The following MAGI2 variants were observed in gnomAD, a reference collection of about 807,000 sequenced individuals.
The protein encoded by MAGI2 is membrane-associated guanylate kinase, WW and PDZ domain-containing protein 2.
MAGI2 carries 35 observed loss-of-function variants against 133.3 expected under a neutral mutation model. The ratio of observed to expected loss-of-function variants is 0.26; its 90% CI spans 0.20 to 0.35. The LOEUF (loss-of-function observed/expected upper bound fraction) is 0.35. Ranked by LOEUF, MAGI2 falls within the 10% of genes least tolerant of loss-of-function variation. The probability of loss-of-function intolerance (pLI) is 1.00; values close to 1 mark genes in which losing one functional copy is unlikely to be tolerated. For missense variants in MAGI2, 1,636 were observed against 1,863.4 expected (o/e 0.88, Z 2.25); for synonymous variants, 729 against 710.6 (o/e 1.03, Z -0.41).
At chr7:78,465,225 A>G (rs1277815896) in intron 6 of MAGI2, among the ~76,000 whole-genome samples, 3 of 152,212 alleles carry the variant, frequency 2.0e-5, no homozygotes, top group African/African-American at 7.2e-5. Flanking sequence ...TTGTACTGAT[A>G]TGAGCAGGTG....
intron 10 of MAGI2, among the ~76,000 whole-genome samples, chr7:78,227,848 A>AG (rs1260512504): frequency 6.9e-5 from 4 of 58,066 alleles, no homozygotes; most frequent in Non-Finnish European, 1.9e-4. Flanking sequence ...CTTCTTACTC[A>AG]GTTGTGTGTG....
chr7:79,059,893 C>T (rs1285170440), intron 1 of MAGI2, among the ~76,000 whole-genome samples: 1 of 152,072 alleles, frequency 6.6e-6, no homozygotes, highest in Non-Finnish European at 1.5e-5. Context: ...AATATGTCTA[C>T]CTGTGCTCAC....
chr7:78,489,111 T>G (rs1464622410), intron 6 of MAGI2, among the ~76,000 whole-genome samples: 1 of 152,062 alleles, frequency 6.6e-6, no homozygotes, highest in Non-Finnish European at 1.5e-5. Context: ...GTATCATCAG[T>G]AACAGACTTC....
At chr7:78,447,634 G>A (rs11767605) in intron 6 of MAGI2, among the ~76,000 whole-genome samples, 66,471 of 151,942 alleles carry the variant, frequency 0.44, 17,740 homozygotes, top group Non-Finnish European at 0.59. Flanking sequence ...GCTCACCTGG[G>A]GACACAAACA....
intron 1 of MAGI2, among the ~76,000 whole-genome samples, chr7:79,325,938 G>A (rs2129085777): frequency 6.6e-6 from 1 of 152,178 alleles, no homozygotes; most frequent in East Asian, 1.9e-4. Context: ...ATTGAGTGCT[G>A]GGAATAGGGG....
intron 1 of MAGI2, among the ~76,000 whole-genome samples, chr7:79,109,978 C>T (rs1244860692): frequency 2.6e-5 from 4 of 152,216 alleles, no homozygotes; most frequent in Non-Finnish European, 5.9e-5. Context: ...GAGGTTGCTC[C>T]TCACATCCTG....
rs544655465 is a variant in MAGI2 at position 78,536,103 on chromosome 7, C to CTTTTTTTT, written c.539-14466_539-14459dup. ...TACAGCTGGCTCTGTATGAATTAAA[C>CTTTTTTTT]TTTTTTTTTTTTTTTTTTTTTTTTT... is the stretch of plus-strand genomic sequence containing the variant. On this transcript the variant is annotated intron_variant, in intron 3 of 21. Transcript: ENST00000354212. Among the ~76,000 whole-genome samples, 257 of 59,938 alleles carry CTTTTTTTT rather than the reference C, an allele frequency of 4.3e-3. 41 individuals carry two copies. The highest frequency in any genetic ancestry group is 0.012 in the African/African-American group (161 of 13,224). The allele number at this position is 59,938 out of a possible 152,430, so 39.3% of individuals were successfully genotyped here.
intron 1 of MAGI2, among the ~76,000 whole-genome samples, chr7:79,116,779 C>T (rs886224121): frequency 7.9e-5 from 12 of 152,120 alleles, no homozygotes; most frequent in African/African-American, 2.2e-4. Flanking sequence ...TGTTTAAGAA[C>T]CTGTTTCTGC....
chr7:78,471,665 C>T (rs1427483347), intron 6 of MAGI2, among the ~76,000 whole-genome samples: 2 of 152,006 alleles, frequency 1.3e-5, no homozygotes, highest in Non-Finnish European at 2.9e-5. Flanking sequence ...GTGGCTCATG[C>T]CTGTAATCTC....
intron 2 of MAGI2, among the ~76,000 whole-genome samples, chr7:78,867,696 T>TAAAGAAAGAAAG (rs142730742): frequency 5.3e-5 from 8 of 149,616 alleles, no homozygotes; most frequent in East Asian, 2.0e-4. Flanking sequence ...ATAATAATAA[T>TAAAGAAAGAAAG]AAAGAAAGAA....
At chr7:79,194,503 C>A (rs1352811821) in intron 1 of MAGI2, among the ~76,000 whole-genome samples, 1 of 151,824 alleles carries the variant, frequency 6.6e-6, no homozygotes, top group Non-Finnish European at 1.5e-5. Flanking sequence ...TAAAAATAGA[C>A]TGAATTACAT....
intron 2 of MAGI2, among the ~76,000 whole-genome samples, chr7:78,772,921 C>T (rs1310743261): frequency 1.3e-5 from 2 of 152,174 alleles, no homozygotes; most frequent in Non-Finnish European, 2.9e-5. Flanking sequence ...TGTTCTTTCA[C>T]CTTTTCTTTT....
intron 1 of MAGI2, among the ~76,000 whole-genome samples, chr7:79,266,090 A>G (rs1238574033): frequency 6.6e-6 from 1 of 152,120 alleles, no homozygotes; most frequent in East Asian, 1.9e-4. Context: ...TGCAGTTACA[A>G]GGAGATGTAT....
At chr7:79,024,194 T>A (rs752301391) in intron 1 of MAGI2, among the ~76,000 whole-genome samples, 4 of 152,176 alleles carry the variant, frequency 2.6e-5, no homozygotes, top group African/African-American at 4.8e-5. Flanking sequence ...CCTACAATCA[T>A]CTGATCTTTG....
chr7:78,425,739 G>A (rs912221187), intron 6 of MAGI2, among the ~76,000 whole-genome samples: 1 of 152,178 alleles, frequency 6.6e-6, no homozygotes, highest in African/African-American at 2.4e-5. Flanking sequence ...CATCTGAGAT[G>A]TCAGAAAGGC....
chr7:79,278,613 C>G (rs578190376), intron 1 of MAGI2, among the ~76,000 whole-genome samples: 7 of 152,188 alleles, frequency 4.6e-5, no homozygotes, highest in Admixed American at 3.9e-4. Context: ...TTTCATAGTA[C>G]TGACCACAAT....
chr7:79,373,242 GTTTAT>G (rs1843167603), intron 1 of MAGI2, among the ~76,000 whole-genome samples: 1 of 151,762 alleles, frequency 6.6e-6, no homozygotes, highest in South Asian at 2.1e-4. Context: ...TTAAAGTTAT[GTTTAT>G]TTTTACATGT....
chr7:79,178,910 C>G (rs1368175237), intron 1 of MAGI2, among the ~76,000 whole-genome samples: 2 of 151,876 alleles, frequency 1.3e-5, no homozygotes, highest in East Asian at 3.9e-4. Context: ...TTTTATTATA[C>G]TACTAATCCA....
At chr7:79,135,176 G>T (rs1202324154) in intron 1 of MAGI2, among the ~76,000 whole-genome samples, 2 of 152,126 alleles carry the variant, frequency 1.3e-5, no homozygotes, top group Non-Finnish European at 2.9e-5. Context: ...GACTAAGAAT[G>T]GTGGTCAGCA....
Sources: gnomAD v4.1 joint callset for allele counts (sites outside exome capture counted in the v4.1 genomes callset) on GRCh38, gnomAD v4.1.1 for gene constraint, MANE v1.5 for transcripts, NCBI Gene and HGNC (gene_info 2026-07-23, HGNC 2026-07-21) for gene names.